The following MGAM variants were observed in gnomAD, a reference collection of about 807,000 sequenced individuals.
The protein encoded by MGAM is alpha-1,4-glucosidase.
A neutral mutation model predicts 358.8 loss-of-function variants in MGAM; 253 were observed. The ratio of observed to expected loss-of-function variants is 0.71; its 90% CI spans 0.64 to 0.78. The LOEUF (loss-of-function observed/expected upper bound fraction) is 0.78, where lower values mean the gene tolerates loss of function less well. Ranked by LOEUF, MGAM falls within the 30% of genes least tolerant of loss-of-function variation. The pLI is 0.00. For missense variants in MGAM, 3,080 were observed against 3,432.6 expected (o/e 0.90, Z 2.57); for synonymous variants, 1,105 against 1,227.1 (o/e 0.90, Z 2.08).
chr7:142,032,904 C>G lies in MGAM; in HGVS notation c.1664C>G (p.Thr555Ser), dbSNP rs1554464344. ...STNNLNNPPF[T>S]PRILDGYLFC... ...AACAACCTAAATAATCCCCCATTCA[C>G]TCCCAGTAAGTCTTGGTGGTCAGCA... The change falls in exon 14 of 71, where the codon ACT becomes AGT. Residue 555 changes from threonine to serine, a missense_variant. Coordinates refer to ENST00000475668, the MANE Select transcript of MGAM (RefSeq NM_001365693.1). The G allele has an allele frequency of 6.2e-7, 1 of 1,605,370 alleles. No individual in the cohort carries two copies. Among genetic ancestry groups the G allele is most frequent in the Admixed American group, 1.7e-5 (1 of 59,626 alleles).
chr7:142,067,318 G>A lies in MGAM; in HGVS notation c.4920-23G>A, dbSNP rs754775931. ...GCTGGGGCTCTGTTGGGCTCTGTTG[G>A]GCACCTTCATTTCCCTTTCCAGGTT... is the stretch of plus-strand genomic sequence containing the variant. On this transcript the variant is annotated intron_variant, in intron 41 of 70. Transcript: ENST00000475668. 7.0e-6 allele frequency: 10 copies of A among 1,430,344 alleles called. 1 individual carries two copies. Among genetic ancestry groups the A allele is most frequent in the Admixed American group, 5.2e-5 (3 of 57,394 alleles). 88.6% of individuals were successfully genotyped at this position (1,430,344 alleles called of 1,614,324 possible).
intron 45 of MGAM, among the ~76,000 whole-genome samples, chr7:142,075,091 C>T (rs4467860): frequency 0.41 from 59,590 of 145,240 alleles, 16,563 homozygotes; most frequent in Middle Eastern, 0.6. Flanking sequence ...AGTGAGACCA[C>T]GCAGTATTGG....
intron 1 of MGAM, among the ~76,000 whole-genome samples, chr7:141,997,714 A>G (rs990984210): frequency 6.6e-6 from 1 of 152,132 alleles, no homozygotes; most frequent in Non-Finnish European, 1.5e-5. Flanking sequence ...GATTTTTCCA[A>G]GGTCATACAG....
chr7:142,097,154 G>A (rs1270112866), intron 65 of MGAM, among the ~76,000 whole-genome samples: 1 of 151,840 alleles, frequency 6.6e-6, no homozygotes, highest in African/African-American at 2.4e-5. Context: ...AGTCAGGATG[G>A]TCTTGATCTC....
intron 1 of MGAM, among the ~76,000 whole-genome samples, chr7:141,997,288 G>A (rs1189803353): frequency 3.3e-5 from 5 of 152,218 alleles, no homozygotes; most frequent in African/African-American, 1.2e-4. Flanking sequence ...GTAAGTGTAT[G>A]TCTGTAGGTG....
intron 34 of MGAM, among the ~76,000 whole-genome samples, chr7:142,061,797 C>T (rs1350808780): frequency 1.3e-5 from 2 of 152,134 alleles, no homozygotes; most frequent in African/African-American, 4.8e-5. Flanking sequence ...GGTGTGAACC[C>T]ACTGTTAAAC....
In MGAM at chr7:142,083,385, C is replaced by T; in HGVS notation, c.6353C>T (p.Pro2118Leu). Residue 2118 changes from proline to leucine, a missense_variant, in exon 53 of 71, where the codon CCA becomes CTA. By Grantham distance (98) the Pro-to-Leu change is moderately conservative (BLOSUM62 -3). Coordinates refer to ENST00000475668, the MANE Select transcript of MGAM (RefSeq NM_001365693.1). ...LDFYVFLGPTPELVTQQYTEL... is the reference protein window; with the variant it reads ...LDFYVFLGPTLELVTQQYTEL... ...TTTTATGTGTTCTTGGGGCCAACTCCAGAGCTTGTCACCCAGCAGTACACT... is the reference window on the plus strand; with the variant it reads ...TTTTATGTGTTCTTGGGGCCAACTCTAGAGCTTGTCACCCAGCAGTACACT... The T allele has an allele frequency of 6.4e-7, 1 of 1,552,256 alleles. No individual in the cohort carries two copies. The highest frequency in any genetic ancestry group is 1.3e-5 in the African/African-American group (1 of 74,604).
rs758610990 is a variant in MGAM at position 142,082,521 on chromosome 7, A to C, written c.6218A>C (p.Glu2073Ala). The part of the protein sequence containing the change: ...YGVHPYYMGL[E>A]EDGSAHGVLL... ...GTCCACCCCTACTACATGGGGCTAG[A>C]GGAGGATGGCAGTGCCCATGGAGTG... Residue 2073 changes from glutamate (E) to alanine (A), a missense_variant, in exon 52 of 71, where the codon GAG becomes GCG. By Grantham distance (107) the Glu-to-Ala change is moderately radical (BLOSUM62 -1). Transcript: ENST00000475668. 13 of 1,535,262 alleles carry C rather than the reference A, an allele frequency of 8.5e-6. 1 individual carries two copies. The highest frequency in any genetic ancestry group is 1.1e-5 in the Non-Finnish European group (12 of 1,122,080).
intron 28 of MGAM, 72 bp from the exon 29 acceptor site, chr7:142,055,928 C>T (rs200210389): frequency 3.6e-5 from 54 of 1,500,268 alleles, no homozygotes; most frequent in Non-Finnish European, 4.5e-5. Flanking sequence ...TTAGCAAGCA[C>T]ATTTTTGTTG....
Position 142,089,744 on chromosome 7 carries a change from G to A in MGAM, c.6811-2169G>A, listed in dbSNP as rs1368165804. ...AGAGGTTGCAGTGAGCCAGGATTGA[G>A]CCACTGCACTCCAGCCTGGGTGACA... On this transcript the variant is annotated intron_variant, in intron 57 of 70. Transcript: ENST00000475668. Among the ~76,000 whole-genome samples, 4 of 145,630 alleles carry A rather than the reference G, an allele frequency of 2.7e-5. 1 individual carries two copies. The highest frequency in any genetic ancestry group is 9.8e-5 in the African/African-American group (4 of 40,970).
intron 21 of MGAM, among the ~76,000 whole-genome samples, chr7:142,046,611 C>T (rs939224277): frequency 1.3e-5 from 2 of 151,938 alleles, no homozygotes; most frequent in African/African-American, 4.8e-5. Context: ...CTTACTAAGC[C>T]CCCTTTTGGT....
intron 40 of MGAM, 123 bp downstream of exon 40, chr7:142,065,954 T>TTTGTTTTG: frequency 1.3e-6 from 1 of 762,470 alleles, no homozygotes; most frequent in Non-Finnish European, 1.9e-6. Context: ...TTTTTTTTTG[T>TTTGTTTTG]TTTGTTTTGT....
intron 20 of MGAM, chr7:142,040,498 T>C: frequency 1.7e-6 from 1 of 605,070 alleles, no homozygotes; most frequent in East Asian, 2.8e-5. Context: ...GTTTATATAA[T>C]ATATCAAATA....
chr7:141,994,237 A>G (rs1723665850), upstream of MGAM, among the ~76,000 whole-genome samples: 1 of 152,206 alleles, frequency 6.6e-6, no homozygotes, highest in Non-Finnish European at 1.5e-5. Flanking sequence ...CTTCTTGCCC[A>G]CTGCCCTCCA....
Position 142,008,688 on chromosome 7 carries a change from G to C in MGAM, c.310G>C (p.Asp104His). Residue 104 changes from aspartate (D) to histidine (H), a missense_variant, in exon 3 of 71, where the codon GAC becomes CAC. This residue lies in a region of MGAM where 1,816 missense variants were observed against 1,840.5 expected (regional missense o/e 0.99). Coordinates refer to ENST00000475668, the MANE Select transcript of MGAM (RefSeq NM_001365693.1). ...ATTGGAACGAATTAATTGCATCCCT[G>C]ACCAGCCGCCAACAAAGGTTTGAGT... ...NELERINCIPDQPPTKATCDQ... is the reference protein window; with the variant it reads ...NELERINCIPHQPPTKATCDQ... The C allele has an allele frequency of 6.2e-7, 1 of 1,612,840 alleles. No individual in the cohort carries two copies. Among genetic ancestry groups the C allele is most frequent in the Non-Finnish European group, 8.5e-7 (1 of 1,179,338 alleles).
chr7:142,027,176 C>T lies in MGAM; in HGVS notation c.1044C>T (p.Phe348=), dbSNP rs1807059377. The change falls in exon 9 of 71, where the codon TTC becomes TTT. Residue 348 remains phenylalanine (F), a synonymous_variant. Coordinates refer to ENST00000475668, the MANE Select transcript of MGAM (RefSeq NM_001365693.1). ...TYRTIGGILD[F]YVFLGNTPEQ... ...GCACCATTGGGGGCATTCTCGACTTCTATGTGTTCTTGGGAAACACTCCAG... is the reference window on the plus strand; with the variant it reads ...GCACCATTGGGGGCATTCTCGACTTTTATGTGTTCTTGGGAAACACTCCAG... 6.2e-7 allele frequency: 1 copy of T among 1,613,618 alleles called. No homozygotes were observed. The highest frequency in any genetic ancestry group is 1.3e-5 in the African/African-American group (1 of 74,912).
intron 25 of MGAM, 142 bp from the exon 26 acceptor site, chr7:142,052,642 A>G (rs1457443897): frequency 7.6e-7 from 1 of 1,318,360 alleles, no homozygotes; most frequent in African/African-American, 1.5e-5. Flanking sequence ...GGAGACAAGG[A>G]ATTGAAATTT....
rs748679910 is a variant in MGAM at position 142,040,881 on chromosome 7, T to C, written c.2498+35T>C. ...GGCTGGAGTGTCCTTTCAGAATTCA[T>C]GTCCTTGCTTAAACCCTTTGAATTT... On this transcript the variant is annotated intron_variant, in intron 21 of 70. Coordinates refer to ENST00000475668, the MANE Select transcript of MGAM (RefSeq NM_001365693.1). 8.9e-6 allele frequency: 14 copies of C among 1,577,264 alleles called. No individual in the cohort carries two copies. The African/African-American group carries it at 1.1e-4, about 12-fold the overall frequency.
chr7:142,001,645 C>T (rs1804747634), intron 1 of MGAM, among the ~76,000 whole-genome samples: 1 of 152,014 alleles, frequency 6.6e-6, no homozygotes, highest in South Asian at 2.1e-4. Context: ...ATGTCCCAGG[C>T]AATGCATGAG....
Sources: allele counts gnomAD v4.1 joint callset (sites outside exome capture counted in the v4.1 genomes callset), GRCh38; gene constraint gnomAD v4.1.1; regional missense constraint gnomAD v4.1.1; transcripts MANE v1.5; gene names NCBI Gene and HGNC (gene_info 2026-07-23, HGNC 2026-07-21).